Variants in IFT80 observed in about 807,000 individuals in gnomAD.
IFT80 encodes intraflagellar transport protein 80 homolog.
Under a neutral mutation model 107.9 loss-of-function variants are expected in IFT80, and 79 were observed. The observed-to-expected ratio is 0.73, with a 90% confidence interval of 0.61 to 0.88. The LOEUF (loss-of-function observed/expected upper bound fraction) is 0.88, where lower values mean the gene tolerates loss of function less well. Among genes scored for constraint, IFT80 ranks in the 40% least tolerant of loss-of-function variants. The pLI is 0.00. For synonymous variants in IFT80, 299 were observed against 300.9 expected (o/e 0.99, Z 0.07); for missense variants, 797 against 914.2 (o/e 0.87, Z 1.65).
intron 10 of IFT80, among the ~76,000 whole-genome samples, chr3:160,305,532 G>C (rs74808447): frequency 0.18 from 26,979 of 152,020 alleles, 2,876 homozygotes; most frequent in Non-Finnish European, 0.23. Flanking sequence ...GAAAAGTAGT[G>C]ATTATGTGAG....
Position 160,287,923 on chromosome 3 carries a change from A to G in IFT80, c.1316-2055T>C, listed in dbSNP as rs1026365162. Reference sequence around the variant, plus strand: ...GCACTAGCCTCAGAGTCATTTTCAAAGGAAAAAGTTATGCTGAAACAAATC... The same window carrying G: ...GCACTAGCCTCAGAGTCATTTTCAAGGGAAAAAGTTATGCTGAAACAAATC... On this transcript the variant is annotated intron_variant, in intron 12 of 19. Coordinates refer to ENST00000326448, the MANE Select transcript of IFT80 (RefSeq NM_020800.3). Among the ~76,000 whole-genome samples, 4 of 152,238 alleles carry G rather than the reference A, an allele frequency of 2.6e-5. No individual in the cohort carries two copies. In the East Asian group the frequency reaches 5.8e-4, roughly 22 times the overall value.
intron 12 of IFT80, among the ~76,000 whole-genome samples, chr3:160,288,345 C>T (rs897376634): frequency 1.3e-5 from 2 of 151,882 alleles, no homozygotes; most frequent in Admixed American, 6.6e-5. Context: ...AAACAAAAAA[C>T]AACAAAAAAA....
At chr3:160,363,016 C>T (rs113984567) in intron 6 of IFT80, among the ~76,000 whole-genome samples, 6,575 of 148,816 alleles carry the variant, frequency 0.044, 446 homozygotes, top group African/African-American at 0.14. Flanking sequence ...AGTTCTGGCC[C>T]GGGCAATCAG....
At chr3:160,294,911 A>T (rs1422831043) in intron 12 of IFT80, among the ~76,000 whole-genome samples, 4 of 152,250 alleles carry the variant, frequency 2.6e-5, no homozygotes, top group African/African-American at 9.6e-5. Context: ...ATAATTTTTT[A>T]AAGTAGATGA....
intron 8 of IFT80, among the ~76,000 whole-genome samples, chr3:160,340,540 C>G (rs1439849046): frequency 1.3e-5 from 2 of 152,170 alleles, no homozygotes; most frequent in Non-Finnish European, 2.9e-5. Context: ...TTTCTTGCAG[C>G]TGTATGACTG....
intron 12 of IFT80, chr3:160,299,323 C>T: frequency 1.3e-6 from 1 of 782,198 alleles, no homozygotes; most frequent in Non-Finnish European, 1.7e-6. Flanking sequence ...ATATTTCCTG[C>T]CAGTATAAGA....
At chr3:160,380,854 T>C (rs1217681066) in intron 3 of IFT80, among the ~76,000 whole-genome samples, 1 of 152,114 alleles carries the variant, frequency 6.6e-6, no homozygotes, top group African/African-American at 2.4e-5. Flanking sequence ...AGGTATATCT[T>C]TTCAGTGTGG....
In IFT80 at chr3:160,282,622, T is replaced by A; in HGVS notation, c.1381-9A>T. ...ATTTCCAAGATTTCATTCTAAAATT[T>A]TTTTTAAATGTAAATACTGGGTTAG... is the stretch of plus-strand genomic sequence containing the variant. On this transcript the variant is annotated splice_polypyrimidine_tract_variant and intron_variant, in intron 13 of 19. Coordinates refer to ENST00000326448, the MANE Select transcript of IFT80 (RefSeq NM_020800.3). The A allele has an allele frequency of 2.0e-6, 3 of 1,537,614 alleles. No homozygotes were observed. Among genetic ancestry groups the A allele is most frequent in the Non-Finnish European group, 2.7e-6 (3 of 1,114,366 alleles).
intron 5 of IFT80, among the ~76,000 whole-genome samples, chr3:160,375,188 T>C (rs1230061653): frequency 1.3e-5 from 2 of 152,156 alleles, no homozygotes; most frequent in Non-Finnish European, 2.9e-5. Context: ...ACTGTTCCTA[T>C]GTAAAATCTA....
chr3:160,349,259 C>A lies in IFT80; in HGVS notation c.777+6754G>T, dbSNP rs141579305. ...GGTCAGGAGTTCGAGACCAGTCTGG[C>A]CAACATGGAAAAACCCCGTCTCTAA... On this transcript the variant is annotated intron_variant, in intron 8 of 19. Coordinates refer to ENST00000326448, the MANE Select transcript of IFT80 (RefSeq NM_020800.3). Among the ~76,000 whole-genome samples the A allele has an allele frequency of 1.6e-3, 245 of 152,014 alleles. 2 individuals carry two copies. The highest frequency in any genetic ancestry group is 5.7e-3 in the African/African-American group (237 of 41,448).
At chr3:160,345,142 G>C (rs1402455860) in intron 8 of IFT80, among the ~76,000 whole-genome samples, 2 of 152,170 alleles carry the variant, frequency 1.3e-5, no homozygotes, top group African/African-American at 2.4e-5. Context: ...CTCCATGTTT[G>C]TTGCAGCTCT....
intron 1 of IFT80, among the ~76,000 whole-genome samples, chr3:160,393,201 A>G (rs1030003660): frequency 2.0e-5 from 3 of 152,218 alleles, no homozygotes; most frequent in Non-Finnish European, 4.4e-5. Flanking sequence ...AAGTCAATAT[A>G]AATCATGTCA....
chr3:160,398,332 G>A (rs747585986), intron 1 of IFT80, among the ~76,000 whole-genome samples: 2 of 152,066 alleles, frequency 1.3e-5, no homozygotes, highest in African/African-American at 2.4e-5. Context: ...GAGTGATCAT[G>A]TAAATTCATT....
At chr3:160,319,580 T>C (rs1576802990) in intron 9 of IFT80, among the ~76,000 whole-genome samples, 180 bp downstream of exon 9, 1 of 152,066 alleles carries the variant, frequency 6.6e-6, no homozygotes, top group African/African-American at 2.4e-5. Flanking sequence ...ATTCAGGTTC[T>C]ATATCTGTGA....
At position 160,285,445 on chromosome 3, in the gene IFT80, G is replaced by A. The variant is rs545742833; in HGVS notation, c.1380+359C>T. On this transcript the variant is annotated intron_variant, in intron 13 of 19. Coordinates refer to ENST00000326448, the MANE Select transcript of IFT80 (RefSeq NM_020800.3). The stretch of plus-strand genomic sequence containing the variant: ...TAAAGAAAATGCTGGCTAAGAACAG[G>A]TCAATGAGAAAACTGCAAGATACTT... 1.2e-4 allele frequency among the ~76,000 whole-genome samples: 18 copies of A among 152,210 alleles called. No homozygotes were observed. The South Asian group carries it at 3.5e-3, about 30-fold the overall frequency.
At chr3:160,266,175 C>A (rs926923902) in intron 19 of IFT80, among the ~76,000 whole-genome samples, 3 of 151,384 alleles carry the variant, frequency 2.0e-5, no homozygotes, top group Non-Finnish European at 4.4e-5. Flanking sequence ...AAAAAAAACC[C>A]TAAAATACCT....
rs1397848268 is a variant in IFT80 at position 160,258,925 on chromosome 3, C to T, written c.2224-290G>A. On this transcript the variant is annotated intron_variant, in intron 19 of 19. Coordinates refer to ENST00000326448, the MANE Select transcript of IFT80 (RefSeq NM_020800.3). ...CATCCTGGGCAACATGGCAAAGTTC[C>T]GAGATGGGAAAATAAATACAAAAAA... Among the ~76,000 whole-genome samples, 7 of 151,600 alleles carry T rather than the reference C, an allele frequency of 4.6e-5. No homozygotes were observed. In the East Asian group the frequency reaches 1.4e-3, roughly 29 times the overall value.
intron 1 of IFT80, among the ~76,000 whole-genome samples, chr3:160,398,422 G>C (rs1281789311): frequency 6.6e-6 from 1 of 152,196 alleles, no homozygotes; most frequent in Non-Finnish European, 1.5e-5. Context: ...GAGGCTAGTA[G>C]TTCTCAATGT....
At chr3:160,272,533 A>G (rs891135351) in intron 18 of IFT80, among the ~76,000 whole-genome samples, 3 of 152,094 alleles carry the variant, frequency 2.0e-5, no homozygotes, top group Non-Finnish European at 4.4e-5. Flanking sequence ...CAATTTTTTA[A>G]AATTCCATCT....
Sources: allele counts gnomAD v4.1 joint callset (sites outside exome capture counted in the v4.1 genomes callset), GRCh38; gene constraint gnomAD v4.1.1; transcripts MANE v1.5; gene names NCBI Gene and HGNC (gene_info 2026-07-23, HGNC 2026-07-21).